COL19A1: variants seen among roughly 807,000 people sequenced by gnomAD.
COL19A1 encodes the protein collagen alpha-1(XIX) chain.
A neutral mutation model predicts 190.2 loss-of-function variants in COL19A1; 159 were observed. That is an observed-to-expected ratio of 0.84 (90% CI 0.73 to 0.95). The LOEUF is 0.95. Ranked by LOEUF, COL19A1 falls within the 40% of genes least tolerant of loss-of-function variation. The pLI is 0.00. For missense variants in COL19A1, 1,418 were observed against 1,431.9 expected, an observed-to-expected ratio of 0.99 and a Z score of 0.16; for synonymous variants, 509 against 458.9, an observed-to-expected ratio of 1.11 and a Z score of -1.39.
intron 4 of COL19A1, among the ~76,000 whole-genome samples, chr6:69,915,310 A>G (rs1771217964): frequency 6.6e-6 from 1 of 152,232 alleles, no homozygotes; most frequent in Non-Finnish European, 1.5e-5. Context: ...TCTCCCCATA[A>G]AACAACTGTC....
intron 11 of COL19A1, among the ~76,000 whole-genome samples, chr6:70,002,007 A>G (rs1040384103): frequency 6.6e-6 from 1 of 152,214 alleles, no homozygotes; most frequent in South Asian, 2.1e-4. Flanking sequence ...TGGGTTTATC[A>G]TAAATAGCTC....
chr6:70,083,821 C>G (rs980750429), intron 15 of COL19A1, among the ~76,000 whole-genome samples: 4 of 152,166 alleles, frequency 2.6e-5, no homozygotes, highest in African/African-American at 9.7e-5. Flanking sequence ...ACATGTTTCA[C>G]TGTCTGTTCT....
chr6:69,972,812 A>T lies in COL19A1; in HGVS notation c.1026+9942A>T, dbSNP rs1020454423. Among the ~76,000 whole-genome samples the T allele has an allele frequency of 5.9e-5, 9 of 152,328 alleles. 1 individual carries two copies. In the South Asian group the frequency reaches 1.4e-3, roughly 25 times the overall value. ...TTTTGGCAGGCACTATTTAGCTCATAATTCTATAAAATAAAATACAGTTCT... is the reference window on the plus strand; with the variant it reads ...TTTTGGCAGGCACTATTTAGCTCATTATTCTATAAAATAAAATACAGTTCT... On this transcript the variant is annotated intron_variant, in intron 11 of 50. Transcript: ENST00000620364.
At chr6:69,923,218 T>G (rs567858574) in intron 4 of COL19A1, among the ~76,000 whole-genome samples, 1 of 152,278 alleles carries the variant, frequency 6.6e-6, no homozygotes, top group African/African-American at 2.4e-5. Flanking sequence ...GAGTGATTAT[T>G]CAAGAAAAAC....
At chr6:69,896,875 T>C (rs1769812165) in intron 2 of COL19A1, among the ~76,000 whole-genome samples, 1 of 152,238 alleles carries the variant, frequency 6.6e-6, no homozygotes, top group African/African-American at 2.4e-5. Context: ...GTTCATTGTA[T>C]ATTCTAGAAA....
intron 15 of COL19A1, among the ~76,000 whole-genome samples, chr6:70,092,759 T>C (rs1259459535): frequency 6.6e-6 from 1 of 152,206 alleles, no homozygotes; most frequent in African/African-American, 2.4e-5. Flanking sequence ...TATGTAGCTC[T>C]AAAATTCTAC....
Position 70,188,239 on chromosome 6 carries a change from C to T in COL19A1, c.3021C>T (p.Gly1007=). The part of the protein sequence containing the change: ...QGPPGSPGIP[G]IPADAVSFEE... The stretch of plus-strand genomic sequence containing the variant: ...CTCCAGGCTCTCCAGGCATCCCTGG[C>T]ATTCCGGTAAGTAGTGCTAAGACGC... Residue 1007 remains glycine, a synonymous_variant, in exon 47 of 51, where the codon GGC becomes GGT. Coordinates refer to ENST00000620364, the MANE Select transcript of COL19A1 (RefSeq NM_001858.6). 1 of 1,608,332 alleles carries T rather than the reference C, an allele frequency of 6.2e-7. No individual in the cohort carries two copies. The highest frequency in any genetic ancestry group is 8.5e-7 in the Non-Finnish European group (1 of 1,178,232).
chr6:69,981,301 A>G (rs918906906), intron 11 of COL19A1, among the ~76,000 whole-genome samples: 33 of 152,312 alleles, frequency 2.2e-4, no homozygotes, highest in African/African-American at 7.5e-4. Context: ...GAACATCTAT[A>G]TCATAGAGTA....
chr6:69,923,612 A>C (rs962111339), intron 4 of COL19A1, among the ~76,000 whole-genome samples: 1 of 152,174 alleles, frequency 6.6e-6, no homozygotes, highest in Admixed American at 6.6e-5. Flanking sequence ...TGATCAAAAA[A>C]ATTTTTAAAG....
At chr6:70,166,400 G>A (rs976535401) in intron 37 of COL19A1, among the ~76,000 whole-genome samples, 4 of 152,240 alleles carry the variant, frequency 2.6e-5, no homozygotes, top group African/African-American at 4.8e-5. Context: ...CATTCATGAT[G>A]TCTGAGATGC....
intron 31 of COL19A1, among the ~76,000 whole-genome samples, chr6:70,153,774 T>G (rs1787243288): frequency 6.6e-6 from 1 of 151,966 alleles, no homozygotes; most frequent in Non-Finnish European, 1.5e-5. Flanking sequence ...CTCTTTATCT[T>G]CATAGTTTTT....
chr6:69,929,708 G>A lies in COL19A1; in HGVS notation c.666+8G>A. 6.3e-7 allele frequency: 1 copy of A among 1,596,918 alleles called. No homozygotes were observed. The highest frequency in any genetic ancestry group is 8.5e-7 in the Non-Finnish European group (1 of 1,172,230). Reference sequence around the variant, plus strand: ...GATGGCAAGCCTGTGGATGTAAGTTGTGATGTTAGTTGTGAAAGAGAACTA... The same window carrying A: ...GATGGCAAGCCTGTGGATGTAAGTTATGATGTTAGTTGTGAAAGAGAACTA... On this transcript the variant is annotated splice_region_variant and intron_variant, in intron 6 of 50. Coordinates refer to ENST00000620364, the MANE Select transcript of COL19A1 (RefSeq NM_001858.6).
intron 22 of COL19A1, 139 bp from the exon 23 acceptor site, chr6:70,142,628 T>C (rs1481567670): frequency 4.6e-6 from 3 of 652,222 alleles, no homozygotes; most frequent in African/African-American, 3.7e-5. Context: ...ATTATACAGA[T>C]AAAGTGGGAA....
chr6:70,140,950 T>C lies in COL19A1; in HGVS notation c.1447-4T>C, dbSNP rs753943700. The C allele has an allele frequency of 6.2e-7, 1 of 1,610,478 alleles. No homozygotes were observed. Among genetic ancestry groups the C allele is most frequent in the Non-Finnish European group, 8.5e-7 (1 of 1,177,342 alleles). ...TAATTCTATTTTCTACCCCTTCTCC[T>C]TAGGGAGAGCCTTTTACAAAAGGAG... On this transcript the variant is annotated splice_polypyrimidine_tract_variant and splice_region_variant and intron_variant, in intron 19 of 50. Coordinates refer to ENST00000620364, the MANE Select transcript of COL19A1 (RefSeq NM_001858.6).
Position 70,151,446 on chromosome 6 carries a change from A to T in COL19A1, c.2079+8A>T. 1 of 1,611,590 alleles carries T rather than the reference A, an allele frequency of 6.2e-7. No homozygotes were observed. The highest frequency in any genetic ancestry group is 8.5e-7 in the Non-Finnish European group (1 of 1,178,446). On this transcript the variant is annotated splice_region_variant and intron_variant, in intron 31 of 50. Coordinates refer to ENST00000620364, the MANE Select transcript of COL19A1 (RefSeq NM_001858.6). ...ATCGGTGCTTTGCTCAAGGTACTCTATTGCTATGTAAGAAATTATGTGTTA... is the reference window on the plus strand; with the variant it reads ...ATCGGTGCTTTGCTCAAGGTACTCTTTTGCTATGTAAGAAATTATGTGTTA...
chr6:70,175,582 T>C (rs1008004881), intron 41 of COL19A1, among the ~76,000 whole-genome samples: 1 of 152,132 alleles, frequency 6.6e-6, no homozygotes, highest in Non-Finnish European at 1.5e-5. Flanking sequence ...ATTTCTGTTA[T>C]AGTATTTTGA....
intron 14 of COL19A1, among the ~76,000 whole-genome samples, chr6:70,054,767 C>T (rs763923678): frequency 2.0e-5 from 3 of 152,098 alleles, no homozygotes; most frequent in Non-Finnish European, 2.9e-5. Flanking sequence ...TACATGACTA[C>T]TGTGACAATG....
At chr6:69,898,616 T>C (rs569472095) in intron 2 of COL19A1, among the ~76,000 whole-genome samples, 3 of 152,332 alleles carry the variant, frequency 2.0e-5, no homozygotes, top group African/African-American at 7.2e-5. Context: ...TGTTTTACTA[T>C]TGTACTTTGA....
intron 15 of COL19A1, among the ~76,000 whole-genome samples, chr6:70,089,887 T>G (rs1279949586): frequency 6.6e-6 from 1 of 152,162 alleles, no homozygotes; most frequent in African/African-American, 2.4e-5. Context: ...ATATCTTTTT[T>G]TCCAGTCAAA....
Sources: allele counts gnomAD v4.1 joint callset (sites outside exome capture counted in the v4.1 genomes callset), GRCh38; gene constraint gnomAD v4.1.1; transcripts MANE v1.5; gene names NCBI Gene and HGNC (gene_info 2026-07-23, HGNC 2026-07-21).